Variants in LRPPRC observed in about 807,000 individuals in gnomAD.
The protein encoded by LRPPRC is leucine-rich PPR motif-containing protein, mitochondrial.
LRPPRC carries 120 observed loss-of-function variants against 180.3 expected under a neutral mutation model. The observed-to-expected ratio is 0.67, with a 90% CI of 0.57 to 0.77. LRPPRC has a LOEUF of 0.77. Ranked by LOEUF, LRPPRC falls within the 30% of genes least tolerant of loss-of-function variation. LRPPRC has a pLI of 0.00. For synonymous variants in LRPPRC, 723 were observed against 600.0 expected, an observed-to-expected ratio of 1.21 and a Z score of -3.00; for missense variants, 2,012 against 1,657.2, an observed-to-expected ratio of 1.21 and a Z score of -3.72.
chr2:43,912,952 T>C (rs1230819223), intron 29 of LRPPRC, among the ~76,000 whole-genome samples: 1 of 152,168 alleles, frequency 6.6e-6, no homozygotes, highest in Non-Finnish European at 1.5e-5. Context: ...AGAGGTATAA[T>C]TTAGATTGAG....
chr2:43,984,374 G>A (rs1009802647), intron 1 of LRPPRC, among the ~76,000 whole-genome samples: 2 of 152,172 alleles, frequency 1.3e-5, no homozygotes, highest in Non-Finnish European at 2.9e-5. Flanking sequence ...TTTTTTAAAT[G>A]TAAGAGAAGA....
At chr2:43,956,377 G>A (rs1401012041) in intron 14 of LRPPRC, among the ~76,000 whole-genome samples, 2 of 152,102 alleles carry the variant, frequency 1.3e-5, no homozygotes, top group Non-Finnish European at 2.9e-5. Flanking sequence ...TACTGATGTT[G>A]TGATTTTAGA....
rs1201061476 is a variant in LRPPRC, at chr2:43,887,126, A to G, written c.*1474T>C. 1.4e-5 allele frequency: 2 copies of G among 138,828 alleles called. No homozygotes were observed. The highest frequency in any genetic ancestry group is 1.6e-5 in the Non-Finnish European group (1 of 63,056). 8.6% of individuals were successfully genotyped at this position (138,828 alleles called of 1,614,324 possible). ...GCGCCACTGCACTCTGGCTTAAGCA[A>G]CAGAGCAAGACTATCTCAAAAAAAA... On this transcript the variant is annotated 3_prime_UTR_variant, in exon 38 of 38. Coordinates refer to ENST00000260665, the MANE Select transcript of LRPPRC (RefSeq NM_133259.4).
intron 11 of LRPPRC, among the ~76,000 whole-genome samples, chr2:43,971,511 A>AT (rs1673809606): frequency 6.7e-6 from 1 of 148,494 alleles, no homozygotes; most frequent in African/African-American, 2.4e-5. Context: ...AAAAGAAAAA[A>AT]ATATATATAT....
intron 30 of LRPPRC, among the ~76,000 whole-genome samples, chr2:43,907,692 T>G (rs1671109423): frequency 6.6e-6 from 1 of 152,192 alleles, no homozygotes; most frequent in African/African-American, 2.4e-5. Context: ...ACATTTTATT[T>G]TTAGAACTGT....
intron 1 of LRPPRC, among the ~76,000 whole-genome samples, chr2:43,995,230 C>A (rs1674977334): frequency 6.6e-6 from 1 of 152,166 alleles, no homozygotes; most frequent in South Asian, 2.1e-4. Context: ...CGCGCAACAC[C>A]TTCTTAAATG....
chr2:43,949,560 G>A, intron 16 of LRPPRC, 42 bp downstream of exon 16: 1 of 1,515,912 alleles, frequency 6.6e-7, no homozygotes, highest in Non-Finnish European at 9.2e-7. Context: ...ACAGAAAAAT[G>A]GATTTGTGGA....
chr2:43,980,093 T>A, intron 2 of LRPPRC, 145 bp from the exon 3 acceptor site: 1 of 741,672 alleles, frequency 1.3e-6, no homozygotes, highest in South Asian at 1.6e-5. Flanking sequence ...AATCCTATCC[T>A]AATGTACAGT....
chr2:43,932,232 A>G (rs1238249848), intron 25 of LRPPRC, among the ~76,000 whole-genome samples: 1 of 151,892 alleles, frequency 6.6e-6, no homozygotes, highest in Non-Finnish European at 1.5e-5. Context: ...ACAAACAAAA[A>G]AACAGGTGAT....
chr2:43,899,616 CA>C lies in LRPPRC; in HGVS notation c.3570-12del. 1 of 1,591,254 alleles carries C rather than the reference CA, an allele frequency of 6.3e-7. No individual in the cohort carries two copies. Among genetic ancestry groups the C allele is most frequent in the Non-Finnish European group, 8.6e-7 (1 of 1,160,684 alleles). Reference sequence around the variant, plus strand: ...GCATCTATGTTATTACTGTTAAAAGCAAAATAAATTACTTAAAAATTTGCTT... The same window carrying C: ...GCATCTATGTTATTACTGTTAAAAGCAAATAAATTACTTAAAAATTTGCTT... On this transcript the variant is annotated splice_polypyrimidine_tract_variant and intron_variant, in intron 32 of 37. Coordinates refer to ENST00000260665, the MANE Select transcript of LRPPRC (RefSeq NM_133259.4).
intron 5 of LRPPRC, 39 bp downstream of exon 5, chr2:43,976,954 AC>A (rs1258369672): frequency 1.3e-6 from 2 of 1,499,172 alleles, no homozygotes; most frequent in African/African-American, 1.4e-5. Context: ...TACAAAATGT[AC>A]AAATTTGTTC....
intron 32 of LRPPRC, among the ~76,000 whole-genome samples, chr2:43,900,125 G>A (rs1051721105): frequency 3.3e-5 from 5 of 151,824 alleles, no homozygotes; most frequent in Admixed American, 6.6e-5. Context: ...ACTTATGGTC[G>A]CCTCAATTTC....
At chr2:43,923,419 G>A (rs1055499825) in intron 27 of LRPPRC, among the ~76,000 whole-genome samples, 1 of 152,180 alleles carries the variant, frequency 6.6e-6, no homozygotes, top group African/African-American at 2.4e-5. Context: ...TTGAGCCCAG[G>A]AGGTTGAGGC....
intron 23 of LRPPRC, among the ~76,000 whole-genome samples, chr2:43,941,430 T>C (rs530295863): frequency 6.6e-6 from 1 of 152,332 alleles, no homozygotes; most frequent in Admixed American, 6.5e-5. Context: ...TTTATACTTT[T>C]ATCACAAGTT....
At chr2:43,942,239 G>A (rs1299402826) in intron 23 of LRPPRC, among the ~76,000 whole-genome samples, 7 of 152,140 alleles carry the variant, frequency 4.6e-5, no homozygotes, top group Admixed American at 1.3e-4. Flanking sequence ...TTGCCCGGTA[G>A]TGTAGGAGGG....
At chr2:43,921,507 A>G (rs1483868298) in intron 27 of LRPPRC, among the ~76,000 whole-genome samples, 3 of 142,966 alleles carry the variant, frequency 2.1e-5, no homozygotes, top group Admixed American at 6.7e-5. Context: ...TGAAACAAGT[A>G]AAGTATAAAA....
Position 43,986,064 on chromosome 2 carries a change from T to C in LRPPRC, c.150-3630A>G, listed in dbSNP as rs111818242. Among the ~76,000 whole-genome samples, 210 of 152,330 alleles carry C rather than the reference T, an allele frequency of 1.4e-3. 2 individuals are homozygous for C. Among genetic ancestry groups the C allele is most frequent in the African/African-American group, 4.7e-3 (195 of 41,576 alleles). ...TATATTTCTCTAATGACATAAGCTGTTGAACATCTTTTCGTATGCTTATTT... is the reference window on the plus strand; with the variant it reads ...TATATTTCTCTAATGACATAAGCTGCTGAACATCTTTTCGTATGCTTATTT... On this transcript the variant is annotated intron_variant, in intron 1 of 37. Coordinates refer to ENST00000260665, the MANE Select transcript of LRPPRC (RefSeq NM_133259.4).
intron 20 of LRPPRC, among the ~76,000 whole-genome samples, chr2:43,946,983 C>A (rs372794116): frequency 3.3e-5 from 5 of 152,152 alleles, no homozygotes; most frequent in African/African-American, 1.2e-4. Flanking sequence ...GAGACCGGAG[C>A]CATGGCTTGA....
chr2:43,973,954 A>G, intron 9 of LRPPRC, 54 bp from the exon 10 acceptor site: 2 of 1,187,820 alleles, frequency 1.7e-6, no homozygotes, highest in Non-Finnish European at 2.5e-6. Context: ...CCACCGTTTG[A>G]CCTGCTGCAA....
Sources: gnomAD v4.1 joint callset for allele counts (sites outside exome capture counted in the v4.1 genomes callset) on GRCh38, gnomAD v4.1.1 for gene constraint, MANE v1.5 for transcripts, NCBI Gene and HGNC (gene_info 2026-07-23, HGNC 2026-07-21) for gene names.